The following CNDP1 variants were observed in gnomAD, a reference collection of about 807,000 sequenced individuals.
CNDP1 encodes carnosine dipeptidase 1, also known as beta-Ala-His dipeptidase.
CNDP1 carries 44 observed loss-of-function variants against 58.1 expected under a neutral mutation model. That is an observed-to-expected ratio of 0.76 (90% CI 0.60 to 0.97). The LOEUF (loss-of-function observed/expected upper bound fraction) is 0.97. Ranked by LOEUF, CNDP1 falls within the 50% of genes least tolerant of loss-of-function variation. CNDP1 has a pLI of 0.00. For synonymous variants in CNDP1, 254 were observed against 252.6 expected (o/e 1.01, Z -0.05); for missense variants, 616 against 655.1 (o/e 0.94, Z 0.65).
chr18:74,559,444 T>G lies in CNDP1; in HGVS notation c.275T>G (p.Val92Gly). The G allele has an allele frequency of 6.2e-7, 1 of 1,610,854 alleles. No homozygotes were observed. Among genetic ancestry groups the G allele is most frequent in the South Asian group, 1.1e-5 (1 of 91,050 alleles). Residue 92 changes from valine (V) to glycine (G), a missense_variant, in exon 3 of 12, where the codon GTG (valine) becomes GGG (glycine). Coordinates refer to ENST00000358821, the MANE Select transcript of CNDP1 (RefSeq NM_032649.6). ...ACGCTGCAGCGCCTGGGGGCCCGTG[T>G]GGCCTCGGTGGACATGGGTCCTCAG... ...ADTLQRLGAR[V>G]ASVDMGPQQL...
chr18:74,558,900 G>A (rs1328173421), intron 2 of CNDP1, among the ~76,000 whole-genome samples: 2 of 152,132 alleles, frequency 1.3e-5, no homozygotes, highest in African/African-American at 2.4e-5. Context: ...GGCCCCTGTG[G>A]GGTTCAGTCA....
At chr18:74,579,080 C>T (rs1269219900) in intron 9 of CNDP1, among the ~76,000 whole-genome samples, 2 of 151,954 alleles carry the variant, frequency 1.3e-5, no homozygotes, top group African/African-American at 2.4e-5. Context: ...GTCTCTCTTT[C>T]TCCCTCCCGG....
intron 1 of CNDP1, among the ~76,000 whole-genome samples, 199 bp downstream of exon 1, chr18:74,534,890 G>T (rs1980447891): frequency 6.6e-6 from 1 of 152,114 alleles, no homozygotes; most frequent in Admixed American, 6.5e-5. Context: ...AATGCTTTTG[G>T]GTAGTTGTGT....
chr18:74,540,366 G>C (rs1980588013), intron 1 of CNDP1, among the ~76,000 whole-genome samples: 2 of 152,022 alleles, frequency 1.3e-5, no homozygotes, highest in Non-Finnish European at 2.9e-5. Flanking sequence ...CACCATGTTG[G>C]CCAGGCTGGT....
chr18:74,577,967 TGGGTAGTGAA>T (rs1023679288), intron 8 of CNDP1, 186 bp from the exon 9 acceptor site: 51 of 505,718 alleles, frequency 1.0e-4, no homozygotes, highest in Non-Finnish European at 1.7e-4. Context: ...TTGGTAGTGA[TGGGTAGTGAA>T]GGCATCTGAG....
intron 1 of CNDP1, among the ~76,000 whole-genome samples, chr18:74,548,361 C>G (rs892168982): frequency 6.6e-6 from 1 of 152,108 alleles, no homozygotes; most frequent in African/African-American, 2.4e-5. Flanking sequence ...GTGGTGCTTC[C>G]TGCTCTTGCT....
intron 3 of CNDP1, among the ~76,000 whole-genome samples, chr18:74,560,265 T>G (rs1599093919): frequency 6.6e-6 from 1 of 152,290 alleles, no homozygotes; most frequent in African/African-American, 2.4e-5. Flanking sequence ...CCACCCGCCT[T>G]GGCTTCCCAA....
Position 74,569,576 on chromosome 18 carries a change from T to C in CNDP1, c.757-1610T>C, listed in dbSNP as rs527338681. On this transcript the variant is annotated intron_variant, in intron 6 of 11. Coordinates refer to ENST00000358821, the MANE Select transcript of CNDP1 (RefSeq NM_032649.6). ...ACATTGAAGGGCATGGTTGTATTAA[T>C]AGCATCTCTGCCCTTAAATTAGCGT... 2.4e-4 allele frequency among the ~76,000 whole-genome samples: 37 copies of C among 152,272 alleles called. No individual in the cohort carries two copies. The South Asian group carries it at 7.0e-3, about 29-fold the overall frequency.
Position 74,567,333 on chromosome 18 carries a change from C to T in CNDP1, c.656C>T (p.Ser219Phe). The T allele has an allele frequency of 6.2e-7, 1 of 1,614,086 alleles. No individual in the cohort carries two copies. Among genetic ancestry groups the T allele is most frequent in the Non-Finnish European group, 8.5e-7 (1 of 1,179,946 alleles). Reference sequence around the variant, plus strand: ...GAAAAAGAAAAGGACCGATTCTTCTCTGGTGTGGACTACATTGTAATTTCA... The same window carrying T: ...GAAAAAGAAAAGGACCGATTCTTCTTTGGTGTGGACTACATTGTAATTTCA... Reference protein sequence around the residue: ...LVEKEKDRFFSGVDYIVISDN... With the variant: ...LVEKEKDRFFFGVDYIVISDN... The change falls in exon 6 of 12, where the codon TCT (serine) becomes TTT (phenylalanine). Residue 219 changes from serine to phenylalanine, a missense_variant. By Grantham distance (155) the Ser-to-Phe change is radical. Coordinates refer to ENST00000358821, the MANE Select transcript of CNDP1 (RefSeq NM_032649.6).
chr18:74,569,651 C>T (rs1302582938), intron 6 of CNDP1, among the ~76,000 whole-genome samples: 1 of 152,102 alleles, frequency 6.6e-6, no homozygotes, highest in Non-Finnish European at 1.5e-5. Context: ...TTGTGTCATT[C>T]CACAATGTCA....
Position 74,583,555 on chromosome 18 carries a change from T to C in CNDP1, c.1310-6T>C. On this transcript the variant is annotated splice_polypyrimidine_tract_variant and splice_region_variant and intron_variant, in intron 10 of 11. Coordinates refer to ENST00000358821, the MANE Select transcript of CNDP1 (RefSeq NM_032649.6). ...CCTATTCAAATGCCTTCTTTTCCTGTCTCAGTGTTTGGAACAGAACCAGAT... is the reference window on the plus strand; with the variant it reads ...CCTATTCAAATGCCTTCTTTTCCTGCCTCAGTGTTTGGAACAGAACCAGAT... 1.2e-6 allele frequency: 2 copies of C among 1,613,736 alleles called. No homozygotes were observed. Among genetic ancestry groups the C allele is most frequent in the Admixed American group, 3.3e-5 (2 of 60,020 alleles).
At chr18:74,536,968 C>G (rs1027624819) in intron 1 of CNDP1, among the ~76,000 whole-genome samples, 5 of 152,082 alleles carry the variant, frequency 3.3e-5, no homozygotes, top group Non-Finnish European at 7.4e-5. Context: ...GTCCTTTGCC[C>G]AGTTTTTAAT....
chr18:74,566,900 A>G (rs1295519095), intron 5 of CNDP1, among the ~76,000 whole-genome samples: 2 of 152,200 alleles, frequency 1.3e-5, no homozygotes, highest in Non-Finnish European at 2.9e-5. Flanking sequence ...CAAGACTGGG[A>G]AGAAAAAGAG....
At chr18:74,565,615 G>A (rs1474620907) in intron 5 of CNDP1, among the ~76,000 whole-genome samples, 1 of 152,160 alleles carries the variant, frequency 6.6e-6, no homozygotes, top group Non-Finnish European at 1.5e-5. Context: ...TTGAATCCAG[G>A]TCTCATGTCC....
intron 1 of CNDP1, among the ~76,000 whole-genome samples, chr18:74,549,847 C>T (rs1255739095): frequency 5.9e-5 from 9 of 152,192 alleles, no homozygotes; most frequent in Non-Finnish European, 2.9e-5. Context: ...CCAGTTGTGG[C>T]TCAAAGGGCC....
At chr18:74,567,592 G>A (rs986423279) in intron 6 of CNDP1, among the ~76,000 whole-genome samples, 159 bp downstream of exon 6, 5 of 152,184 alleles carry the variant, frequency 3.3e-5, no homozygotes, top group Admixed American at 6.5e-5. Context: ...TGGGTGCAGA[G>A]GTCTTGGGGT....
intron 4 of CNDP1, 116 bp downstream of exon 4, chr18:74,561,134 G>C: frequency 7.7e-7 from 1 of 1,298,354 alleles, no homozygotes; most frequent in Non-Finnish European, 1.1e-6. Context: ...GAATGCATAG[G>C]CCGGGTGCGG....
chr18:74,536,585 T>C (rs1980491574), intron 1 of CNDP1, among the ~76,000 whole-genome samples: 1 of 152,246 alleles, frequency 6.6e-6, no homozygotes. Flanking sequence ...CTATTGTGAA[T>C]AGTGCTGCAG....
At position 74,578,242 on chromosome 18, in the gene CNDP1, C is replaced by G. The variant is rs748317118; in HGVS notation, c.1082C>G (p.Thr361Ser). The G allele has an allele frequency of 1.3e-5, 21 of 1,613,932 alleles. 1 individual carries two copies. The highest frequency in any genetic ancestry group is 1.6e-5 in the Non-Finnish European group (19 of 1,179,988). Residue 361 changes from threonine to serine, a missense_variant, in exon 9 of 12, where the codon ACT (threonine) becomes AGT (serine). Coordinates refer to ENST00000358821, the MANE Select transcript of CNDP1 (RefSeq NM_032649.6). ...GAGGGCGCGTTTGATGAGCCTGGAA[C>G]TAAAACAGTCATACCTGGCCGAGTT... Reference protein sequence around the residue: ...GIEGAFDEPGTKTVIPGRVIG... With the variant: ...GIEGAFDEPGSKTVIPGRVIG...
Sources: allele counts gnomAD v4.1 joint callset (sites outside exome capture counted in the v4.1 genomes callset), GRCh38; gene constraint gnomAD v4.1.1; transcripts MANE v1.5; gene names NCBI Gene and HGNC (gene_info 2026-07-23, HGNC 2026-07-21).